The following ONECUT3 variants were observed in gnomAD, a reference collection of about 807,000 sequenced individuals.
ONECUT3 encodes the protein one cut homeobox 3.
A neutral mutation model predicts 16.8 loss-of-function variants in ONECUT3; 11 were observed. The ratio of observed to expected loss-of-function variants is 0.66; its 90% CI spans 0.41 to 1.09. The LOEUF (loss-of-function observed/expected upper bound fraction) is 1.09. Ranked by LOEUF, ONECUT3 falls within the 50% of genes least tolerant of loss-of-function variation. The pLI, the probability that ONECUT3 is intolerant of heterozygous loss-of-function variation, is 0.00. For missense variants in ONECUT3, 637 were observed against 629.9 expected (o/e 1.01, Z -0.12); for synonymous variants, 344 against 310.7 (o/e 1.11, Z -1.13).
chr19:1,756,918 G>A (rs1266579021), intron 1 of ONECUT3, among the ~76,000 whole-genome samples: 1 of 151,992 alleles, frequency 6.6e-6, no homozygotes, highest in African/African-American at 2.4e-5. Flanking sequence ...TCTATAGCCC[G>A]ATACCCACCA....
At chr19:1,756,695 ATTTTTTTTT>A (rs58105449) in intron 1 of ONECUT3, among the ~76,000 whole-genome samples, 15 of 101,152 alleles carry the variant, frequency 1.5e-4, no homozygotes, top group East Asian at 2.9e-4. Context: ...ACGCCTGGCT[ATTTTTTTTT>A]TTTTTTTTTT....
rs1472970588 is a variant in ONECUT3, at chr19:1,776,332, A to G, written c.*887A>G. 6.6e-6 allele frequency: 1 copy of G among 152,322 alleles called. No homozygotes were observed. The highest frequency in any genetic ancestry group is 1.5e-5 in the Non-Finnish European group (1 of 68,142). 9.4% of individuals were successfully genotyped at this position (152,322 alleles called of 1,614,324 possible). A position where few individuals can be genotyped will look rare whatever the true frequency, so the allele number is the denominator to read the frequency against. ...CACGGGAGACCACGCCCAGGCTCCCAGGAGAAGGGGACCCGGCCGGAGAAG... is the reference window on the plus strand; with the variant it reads ...CACGGGAGACCACGCCCAGGCTCCCGGGAGAAGGGGACCCGGCCGGAGAAG... On this transcript the variant is annotated 3_prime_UTR_variant, in exon 2 of 2. Coordinates refer to ENST00000382349, the MANE Select transcript of ONECUT3 (RefSeq NM_001080488.2). This position sits in a 1 kb window ranked among gnomAD's most constrained non-coding sequence, Gnocchi z 4.9.
intron 1 of ONECUT3, among the ~76,000 whole-genome samples, chr19:1,771,371 G>C (rs2068052730): frequency 6.6e-6 from 1 of 152,158 alleles, no homozygotes; most frequent in African/African-American, 2.4e-5. Context: ...TTCTGAGAAA[G>C]GGTATGTGGG....
chr19:1,768,065 A>T (rs2068009531), intron 1 of ONECUT3, among the ~76,000 whole-genome samples: 1 of 152,080 alleles, frequency 6.6e-6, no homozygotes, highest in African/African-American at 2.4e-5. Context: ...CTCAGTCCCC[A>T]GGGTCCTGGA....
rs1568605766 is a variant in ONECUT3, at chr19:1,778,018, A to AAC, written c.*2573_*2574insAC. 1.4e-5 allele frequency: 2 copies of AAC among 146,392 alleles called. No individual in the cohort carries two copies. The highest frequency in any genetic ancestry group is 1.5e-5 in the Non-Finnish European group (1 of 65,612). 9.1% of individuals were successfully genotyped at this position (146,392 alleles called of 1,614,324 possible). Reference sequence around the variant, plus strand: ...CTCAAAAAAAAAAAAAAAAAAAAAAACTTTAGGTCCAAGAAGATGCACCCC... The same window carrying AAC: ...CTCAAAAAAAAAAAAAAAAAAAAAAAACCTTTAGGTCCAAGAAGATGCACCCC... On this transcript the variant is annotated 3_prime_UTR_variant, in exon 2 of 2. Coordinates refer to ENST00000382349, the MANE Select transcript of ONECUT3 (RefSeq NM_001080488.2).
chr19:1,754,578 G>GGCGGGAGCGGCGGCGGCCCCAGC lies in ONECUT3; in HGVS notation c.922_944dup (p.Glu319AlafsTer24). 2.5e-6 allele frequency: 3 copies of GGCGGGAGCGGCGGCGGCCCCAGC among 1,216,502 alleles called. No homozygotes were observed. The highest frequency in any genetic ancestry group is 3.1e-6 in the Non-Finnish European group (3 of 969,944). 75.4% of individuals were successfully genotyped at this position (1,216,502 alleles called of 1,614,324 possible). A position where few individuals can be genotyped will look rare whatever the true frequency, so the allele number is the denominator to read the frequency against. On this transcript the variant is annotated frameshift_variant, in exon 1 of 2. Coordinates refer to ENST00000382349, the MANE Select transcript of ONECUT3 (RefSeq NM_001080488.2). LOFTEE classifies it high-confidence loss of function. The surrounding 1 kb of genome is among the most constrained non-coding windows in gnomAD (Gnocchi z 7.4). Reference sequence around the variant, plus strand: ...GCCGCACGGGGGAGGCGGCGGCCCCGGCGGGAGCGGCGGCGGCCCCAGCGC... The same window carrying GGCGGGAGCGGCGGCGGCCCCAGC: ...GCCGCACGGGGGAGGCGGCGGCCCCGGCGGGAGCGGCGGCGGCCCCAGCGCGGGAGCGGCGGCGGCCCCAGCGC...
chr19:1,754,606 G>A lies in ONECUT3; in HGVS notation c.944G>A (p.Gly315Asp). 2.9e-6 allele frequency: 4 copies of A among 1,373,744 alleles called. No homozygotes were observed. Among genetic ancestry groups the A allele is most frequent in the Non-Finnish European group, 3.8e-6 (4 of 1,052,970 alleles). The allele number at this position is 1,373,744 out of a possible 1,614,324, so 85.1% of individuals were successfully genotyped here. The change falls in exon 1 of 2, where the codon GGC becomes GAC. Residue 315 changes from glycine to aspartate, a missense_variant. Gly to Asp is a moderately conservative substitution (Grantham distance 94, BLOSUM62 -1). This residue lies in a region of ONECUT3 where 419 missense variants were observed against 377.9 expected (regional missense o/e 1.11). Transcript: ENST00000382349. The surrounding 1 kb of genome is among the most constrained non-coding windows in gnomAD (Gnocchi z 7.4). ...PGGSGGGPSA[G>D]AAAEEINTKE... The stretch of plus-strand genomic sequence containing the variant: ...GGGAGCGGCGGCGGCCCCAGCGCGG[G>A]CGCAGCGGCCGAGGAGATCAACACC...
chr19:1,764,946 A>G lies in ONECUT3; in HGVS notation c.1192+10092A>G, dbSNP rs2067972439. Among the ~76,000 whole-genome samples, 1 of 152,120 alleles carries G rather than the reference A, an allele frequency of 6.6e-6. No individual in the cohort carries two copies. Among genetic ancestry groups the G allele is most frequent in the Non-Finnish European group, 1.5e-5 (1 of 68,004 alleles). ...TCATCCCAGCCGGAGACCGGGCTCC[A>G]TATTGAATTGTCTGCTCCCTGAAGC... On this transcript the variant is annotated intron_variant, in intron 1 of 1. Coordinates refer to ENST00000382349, the MANE Select transcript of ONECUT3 (RefSeq NM_001080488.2). The surrounding 1 kb of genome is among the most constrained non-coding windows in gnomAD (Gnocchi z 5.0).
chr19:1,775,140 C>A lies in ONECUT3; in HGVS notation c.1193-13C>A. On this transcript the variant is annotated splice_polypyrimidine_tract_variant and intron_variant, in intron 1 of 1. Transcript: ENST00000382349. ...GTGTCCCGCTCGCCCGCCCGCCCGCCGCTCGCCCGCAGCCTGCAAGCGCAA... is the reference window on the plus strand; with the variant it reads ...GTGTCCCGCTCGCCCGCCCGCCCGCAGCTCGCCCGCAGCCTGCAAGCGCAA... 1 of 1,378,796 alleles carries A rather than the reference C, an allele frequency of 7.3e-7. No homozygotes were observed. Among genetic ancestry groups the A allele is most frequent in the Non-Finnish European group, 9.7e-7 (1 of 1,031,144 alleles). The allele number at this position is 1,378,796 out of a possible 1,614,324, so 85.4% of individuals were successfully genotyped here. A position where few individuals can be genotyped will look rare whatever the true frequency, so the allele number is the denominator to read the frequency against.
At chr19:1,768,891 TGGA>T (rs2068020260) in intron 1 of ONECUT3, among the ~76,000 whole-genome samples, 1 of 128,848 alleles carries the variant, frequency 7.8e-6, no homozygotes. Flanking sequence ...GTGGAGGTGG[TGGA>T]GGTGGAGGTG....
chr19:1,775,126 G>GGGCCGCCC, intron 1 of ONECUT3, 27 bp from the exon 2 acceptor site: 2 of 1,143,888 alleles, frequency 1.7e-6, no homozygotes, highest in Non-Finnish European at 2.4e-6. Flanking sequence ...TGTCCCGCTC[G>GGGCCGCCC]CCCGCCCGCC....
In ONECUT3 at chr19:1,764,076, T is replaced by G. The variant is rs1600344194; in HGVS notation, c.1192+9222T>G. On this transcript the variant is annotated intron_variant, in intron 1 of 1. Transcript: ENST00000382349. The surrounding 1 kb of genome is among the most constrained non-coding windows in gnomAD (Gnocchi z 5.0). The stretch of plus-strand genomic sequence containing the variant: ...CGCTTCAGCCGCTTCTTATCACTGA[T>G]TCCTTTCCTGTCATCTTTTTCAAAT... 6.6e-6 allele frequency among the ~76,000 whole-genome samples: 1 copy of G among 152,352 alleles called. No individual in the cohort carries two copies. The highest frequency in any genetic ancestry group is 1.9e-4 in the East Asian group (1 of 5,182).
rs2068105731 is a variant in ONECUT3, at chr19:1,776,083, G to A, written c.*638G>A. 1 of 152,338 alleles carries A rather than the reference G, an allele frequency of 6.6e-6. No individual in the cohort carries two copies. Among genetic ancestry groups the A allele is most frequent in the South Asian group, 2.1e-4 (1 of 4,838 alleles). The allele number at this position is 152,338 out of a possible 1,614,324, so 9.4% of individuals were successfully genotyped here. On this transcript the variant is annotated 3_prime_UTR_variant, in exon 2 of 2. Coordinates refer to ENST00000382349, the MANE Select transcript of ONECUT3 (RefSeq NM_001080488.2). This position sits in a 1 kb window ranked among gnomAD's most constrained non-coding sequence, Gnocchi z 4.9. ...ACTGAGCTGCCCCTCTCTGCGGCCAGGATTCCTCGTGCCAAGAATCGCCTG... is the reference window on the plus strand; with the variant it reads ...ACTGAGCTGCCCCTCTCTGCGGCCAAGATTCCTCGTGCCAAGAATCGCCTG...
chr19:1,754,090 C>A lies in ONECUT3; in HGVS notation c.428C>A (p.Ala143Glu), dbSNP rs761562269. The A allele has an allele frequency of 2.0e-6, 2 of 1,006,624 alleles. No individual in the cohort carries two copies. Among genetic ancestry groups the A allele is most frequent in the Non-Finnish European group, 2.4e-6 (2 of 846,024 alleles). The allele number at this position is 1,006,624 out of a possible 1,614,324, so 62.4% of individuals were successfully genotyped here. The change falls in exon 1 of 2, where the codon GCG becomes GAG. Residue 143 changes from alanine (A) to glutamate (E), a missense_variant. Coordinates refer to ENST00000382349, the MANE Select transcript of ONECUT3 (RefSeq NM_001080488.2). The surrounding 1 kb of genome is among the most constrained non-coding windows in gnomAD (Gnocchi z 7.4). ...GGGGCGCACGGCGGCCATCCCCACG[C>A]GCACCCGCACCCGGCGGCCGCGCCG... ...VAGAHGGHPH[A>E]HPHPAAAPPP... is the part of the protein sequence containing the mutation.
rs893365248 is a variant in ONECUT3, at chr19:1,766,457, G to A, written c.1193-8696G>A. 5.9e-5 allele frequency among the ~76,000 whole-genome samples: 9 copies of A among 151,868 alleles called. No homozygotes were observed. Among genetic ancestry groups the A allele is most frequent in the African/African-American group, 1.2e-4 (5 of 41,332 alleles). On this transcript the variant is annotated intron_variant, in intron 1 of 1. Coordinates refer to ENST00000382349, the MANE Select transcript of ONECUT3 (RefSeq NM_001080488.2). This position sits in a 1 kb window ranked among gnomAD's most constrained non-coding sequence, Gnocchi z 4.0. ...AGGATGAAGGGGGAGAGAAGGAGGAGGAGGGGGAGAGGGAAGGAAGGGAAG... is the reference window on the plus strand; with the variant it reads ...AGGATGAAGGGGGAGAGAAGGAGGAAGAGGGGGAGAGGGAAGGAAGGGAAG...
In ONECUT3 at chr19:1,753,617, T is replaced by A; in HGVS notation, c.-46T>A. Reference sequence around the variant, plus strand: ...GGAGTCATGCAGCGGCCTTGAGCACTAGGGGCCGGCGCTGAGGAGCGCGCG... The same window carrying A: ...GGAGTCATGCAGCGGCCTTGAGCACAAGGGGCCGGCGCTGAGGAGCGCGCG... On this transcript the variant is annotated 5_prime_UTR_variant, in exon 1 of 2. Transcript: ENST00000382349. The A allele has an allele frequency of 2.6e-6, 2 of 782,936 alleles. No individual in the cohort carries two copies. The highest frequency in any genetic ancestry group is 3.2e-6 in the Non-Finnish European group (2 of 633,920). 48.5% of individuals were successfully genotyped at this position (782,936 alleles called of 1,614,324 possible). A position where few individuals can be genotyped will look rare whatever the true frequency, so the allele number is the denominator to read the frequency against.
chr19:1,769,232 GTGGAGGTGC>G (rs1379609873), intron 1 of ONECUT3, among the ~76,000 whole-genome samples: 1 of 151,920 alleles, frequency 6.6e-6, no homozygotes, highest in Non-Finnish European at 1.5e-5. Context: ...GAAGGAGGAG[GTGGAGGTGC>G]TGGAGGTGGT....
At position 1,775,488 on chromosome 19, in the gene ONECUT3, G is replaced by T. The variant is rs1016001071; in HGVS notation, c.*43G>T. On this transcript the variant is annotated 3_prime_UTR_variant, in exon 2 of 2. Transcript: ENST00000382349. ...CCCTCCCTGCCTCCACGGCCTGGGC[G>T]CTGTGCCCCCACGTCACCTCCCCAC... 22 of 1,421,808 alleles carry T rather than the reference G, an allele frequency of 1.5e-5. 1 individual carries two copies. The Admixed American group carries it at 6.5e-4, about 42-fold the overall frequency. The allele number at this position is 1,421,808 out of a possible 1,614,324, so 88.1% of individuals were successfully genotyped here.
At chr19:1,774,335 C>A (rs1296021975) in intron 1 of ONECUT3, among the ~76,000 whole-genome samples, 1 of 151,902 alleles carries the variant, frequency 6.6e-6, no homozygotes, top group Non-Finnish European at 1.5e-5. Context: ...AATCCCAGTG[C>A]TTTGGGAGGC....
Sources: gnomAD v4.1 joint callset for allele counts (sites outside exome capture counted in the v4.1 genomes callset) on GRCh38, gnomAD v4.1.1 for gene constraint, gnomAD v4.1.1 regional missense constraint, Gnocchi (gnomAD v3.1) non-coding constraint, MANE v1.5 for transcripts, NCBI Gene and HGNC (gene_info 2026-07-23, HGNC 2026-07-21) for gene names.